The following PRKG1 variants were observed in gnomAD, a reference collection of about 807,000 sequenced individuals.
PRKG1 encodes protein kinase cGMP-dependent 1.
In PRKG1, 35 loss-of-function variants were observed where a neutral mutation model predicts 88.1. The observed-to-expected ratio is 0.40, with a 90% CI of 0.30 to 0.53. PRKG1 has a LOEUF of 0.53. PRKG1 is among the 20% of genes least tolerant of loss of function. The pLI is 0.59. For missense variants in PRKG1, 540 were observed against 839.8 expected (o/e 0.64, Z 4.41); for synonymous variants, 303 against 292.5 (o/e 1.04, Z -0.37).
intron 3 of PRKG1, among the ~76,000 whole-genome samples, chr10:51,667,895 T>C (rs950149453): frequency 6.6e-6 from 1 of 152,184 alleles, no homozygotes; most frequent in African/African-American, 2.4e-5. Context: ...TACTGAGTTA[T>C]GTGCAGAGAC....
chr10:51,286,910 T>C (rs549634627), intron 2 of PRKG1, among the ~76,000 whole-genome samples: 35 of 152,310 alleles, frequency 2.3e-4, no homozygotes, highest in African/African-American at 8.4e-4. Context: ...AGGGTCTCAC[T>C]CTGTCGCCCA....
Position 51,653,574 on chromosome 10 carries a change from C to CT in PRKG1, c.593-151003dup, listed in dbSNP as rs554903343. On this transcript the variant is annotated intron_variant, in intron 3 of 17. Coordinates refer to ENST00000373980, the MANE Select transcript of PRKG1 (RefSeq NM_006258.4). ...CTTTTCTCTGACTATTTTTTTCTTT[C>CT]TTTTTTTTCCTTTGTAGAGTCTCGC... is the stretch of plus-strand genomic sequence containing the variant. Among the ~76,000 whole-genome samples the CT allele has an allele frequency of 6.9e-4, 105 of 151,824 alleles. 2 individuals carry two copies. The South Asian group carries it at 0.021, about 30-fold the overall frequency.
intron 3 of PRKG1, among the ~76,000 whole-genome samples, chr10:51,726,532 C>T (rs1474835340): frequency 6.6e-6 from 1 of 152,148 alleles, no homozygotes; most frequent in Non-Finnish European, 1.5e-5. Flanking sequence ...TAAATTTTGT[C>T]AGATGACTCA....
intron 3 of PRKG1, among the ~76,000 whole-genome samples, chr10:51,654,251 TCAATTTCCC>T (rs575491284): frequency 1.3e-3 from 204 of 152,324 alleles, no homozygotes; most frequent in South Asian, 2.3e-3. Context: ...TTCTGGATAT[TCAATTTCCC>T]CAATATCATT....
At chr10:51,147,750 T>C (rs1845976740) in intron 1 of PRKG1, among the ~76,000 whole-genome samples, 1 of 152,314 alleles carries the variant, frequency 6.6e-6, no homozygotes, top group Middle Eastern at 3.4e-3. Flanking sequence ...ATGCTAATTA[T>C]AGGTCTGAAT....
intron 4 of PRKG1, among the ~76,000 whole-genome samples, chr10:51,853,741 A>G (rs7917364): frequency 0.32 from 48,193 of 151,982 alleles, 10,937 homozygotes; most frequent in African/African-American, 0.65. Flanking sequence ...TATATTTATT[A>G]CCAAATGTGT....
chr10:51,016,673 C>CTTCTTTCTTTTTTTTTTT (rs1564571435), intron 1 of PRKG1, among the ~76,000 whole-genome samples: 9 of 35,194 alleles, frequency 2.6e-4, no homozygotes, highest in South Asian at 1.1e-3. Context: ...ATTATCCTTT[C>CTTCTTTCTTTTTTTTTTT]TTTTTTTTTT....
At chr10:51,391,831 G>C (rs1837412865) in intron 2 of PRKG1, among the ~76,000 whole-genome samples, 2 of 152,162 alleles carry the variant, frequency 1.3e-5, no homozygotes. Context: ...ATACGAGGTG[G>C]TGTTTTCAAC....
chr10:52,298,103 T>C lies in PRKG1; in HGVS notation c.*4203T>C, dbSNP rs1045454065. The stretch of plus-strand genomic sequence containing the variant: ...TTTACAACTGGTCAGTTCTTTTGTA[T>C]TCTTACAGCTATGGTTATTTGATTG... On this transcript the variant is annotated 3_prime_UTR_variant, in exon 18 of 18. Coordinates refer to ENST00000373980, the MANE Select transcript of PRKG1 (RefSeq NM_006258.4). 6.6e-6 allele frequency: 1 copy of C among 152,122 alleles called. No homozygotes were observed. Among genetic ancestry groups the C allele is most frequent in the African/African-American group, 2.4e-5 (1 of 41,430 alleles). The allele number at this position is 152,122 out of a possible 1,614,324, so 9.4% of individuals were successfully genotyped here.
rs139511215 is a variant in PRKG1, at chr10:51,051,075, A to G, written c.266+59431A>G. 1.5e-3 allele frequency among the ~76,000 whole-genome samples: 228 copies of G among 151,948 alleles called. 2 individuals carry two copies. The highest frequency in any genetic ancestry group is 5.4e-3 in the African/African-American group (224 of 41,460). On this transcript the variant is annotated intron_variant, in intron 1 of 17. Transcript: ENST00000401604. ...TTGGATATGAACACCTCATCAGATA[A>G]ATGGTTTGCAAGCATTTTCTCCTGT...
At chr10:51,814,006 G>C (rs185013634) in intron 4 of PRKG1, among the ~76,000 whole-genome samples, 1 of 152,292 alleles carries the variant, frequency 6.6e-6, no homozygotes, top group East Asian at 1.9e-4. Context: ...TACATAAGCA[G>C]ACACCATGAT....
Position 51,818,864 on chromosome 10 carries a change from G to A in PRKG1, c.698+14174G>A, listed in dbSNP as rs1218906619. On this transcript the variant is annotated intron_variant, in intron 4 of 17. Coordinates refer to ENST00000373980, the MANE Select transcript of PRKG1 (RefSeq NM_006258.4). The stretch of plus-strand genomic sequence containing the variant: ...CTACTAAAAATACAAAAAATTAGCC[G>A]GGCGTAGTGGTGGGCGCCTGTAGTC... 6.1e-5 allele frequency among the ~76,000 whole-genome samples: 8 copies of A among 130,582 alleles called. 1 individual carries two copies. Among genetic ancestry groups the A allele is most frequent in the Admixed American group, 1.4e-4 (2 of 14,118 alleles). The allele number at this position is 130,582 out of a possible 152,430, so 85.7% of individuals were successfully genotyped here.
chr10:51,184,029 A>G (rs1307109750), intron 2 of PRKG1, among the ~76,000 whole-genome samples: 1 of 152,146 alleles, frequency 6.6e-6, no homozygotes, highest in Non-Finnish European at 1.5e-5. Flanking sequence ...TCTCAAGTTA[A>G]ATCTCTTTGT....
chr10:51,593,435 T>G (rs139761953), intron 3 of PRKG1, among the ~76,000 whole-genome samples: 64 of 152,298 alleles, frequency 4.2e-4, no homozygotes, highest in African/African-American at 1.3e-3. Context: ...TAGCCTCCTG[T>G]CCATCATGGC....
chr10:52,001,364 T>TAA (rs199990338), intron 5 of PRKG1, among the ~76,000 whole-genome samples: 4 of 145,662 alleles, frequency 2.7e-5, no homozygotes, highest in African/African-American at 5.1e-5. Flanking sequence ...GTTCTCACCA[T>TAA]AAAAAAAAAA....
chr10:52,050,880 T>G (rs1255793823), intron 5 of PRKG1, among the ~76,000 whole-genome samples: 6 of 152,142 alleles, frequency 3.9e-5, no homozygotes, highest in Non-Finnish European at 8.8e-5. Flanking sequence ...TATAAAAAAT[T>G]TAGAGTAATT....
chr10:51,696,652 C>T (rs891242116), intron 3 of PRKG1: 1 of 151,176 alleles, frequency 6.6e-6, no homozygotes, highest in African/African-American at 2.4e-5. Flanking sequence ...AGGTGCAGTC[C>T]TTAATTTCTC....
chr10:51,158,448 A>G (rs1159914876), intron 2 of PRKG1, among the ~76,000 whole-genome samples: 1 of 152,022 alleles, frequency 6.6e-6, no homozygotes, highest in Non-Finnish European at 1.5e-5. Context: ...AGCCCATAAA[A>G]GATGCATAGC....
intron 4 of PRKG1, among the ~76,000 whole-genome samples, chr10:51,830,534 A>G (rs1275917465): frequency 6.7e-6 from 1 of 148,476 alleles, no homozygotes; most frequent in African/African-American, 2.5e-5. Context: ...TACTTATTGA[A>G]CTTCTCTTAA....
Sources: gnomAD v4.1 joint callset for allele counts (sites outside exome capture counted in the v4.1 genomes callset) on GRCh38, gnomAD v4.1.1 for gene constraint, MANE v1.5 for transcripts, NCBI Gene and HGNC (gene_info 2026-07-23, HGNC 2026-07-21) for gene names.